TMEM37: variants seen among roughly 807,000 people sequenced by gnomAD.
TMEM37 encodes the protein voltage-dependent calcium channel gamma-like subunit.
A neutral mutation model predicts 11.0 loss-of-function variants in TMEM37; 12 were observed. That is an observed-to-expected ratio of 1.09 (90% CI 0.70 to 1.76). The LOEUF is 1.76. Ranked by LOEUF, TMEM37 falls within the 40% of genes most tolerant of loss-of-function variation. TMEM37 has a pLI of 0.00. For synonymous variants in TMEM37, 127 were observed against 110.5 expected, an observed-to-expected ratio of 1.15 and a Z score of -0.94; for missense variants, 203 against 251.2, an observed-to-expected ratio of 0.81 and a Z score of 1.30.
At chr2:119,431,691 CCGCCCT>C (rs200411064), upstream of TMEM37, among the ~76,000 whole-genome samples, 2,654 of 152,362 alleles carry the variant, frequency 0.017, 26 homozygotes, top group South Asian at 0.053. Context: ...GCTCCTCCGG[CCGCCCT>C]CGCTGACTCA....
intron 1 of TMEM37, 71 bp downstream of exon 1, chr2:119,431,995 G>A (rs1682408949): frequency 3.0e-6 from 3 of 991,582 alleles, no homozygotes; most frequent in African/African-American, 3.4e-5. Context: ...TGGGAGGACG[G>A]AGGGAGGGGC....
intron 1 of TMEM37, among the ~76,000 whole-genome samples, chr2:119,434,670 G>A (rs557099995): frequency 3.9e-5 from 6 of 152,182 alleles, no homozygotes; most frequent in South Asian, 4.2e-4. Flanking sequence ...GTTTTTGACC[G>A]CACCCAGGCT....
At position 119,437,713 on chromosome 2, in the gene TMEM37, T is replaced by A. The variant is rs1682532227; in HGVS notation, c.*273T>A. The A allele has an allele frequency of 6.1e-6, 3 of 492,758 alleles. No individual in the cohort carries two copies. Among genetic ancestry groups the A allele is most frequent in the Non-Finnish European group, 1.1e-5 (3 of 280,374 alleles). 30.5% of individuals were successfully genotyped at this position (492,758 alleles called of 1,614,324 possible). The stretch of plus-strand genomic sequence containing the variant: ...TTGATTTTAGAGGAAGAAAAAAACA[T>A]TTTAAAACTCCTTCTTGAATTTTCT... On this transcript the variant is annotated 3_prime_UTR_variant, in exon 2 of 2. Transcript: ENST00000306406.
chr2:119,430,042 C>A, upstream of TMEM37: 1 of 1,406,172 alleles, frequency 7.1e-7, no homozygotes, highest in Non-Finnish European at 9.8e-7. Flanking sequence ...TCTTAGGGCT[C>A]AGTGAAAGGA....
chr2:119,432,398 C>G (rs1021706362), intron 1 of TMEM37: 2 of 153,190 alleles, frequency 1.3e-5, no homozygotes, highest in African/African-American at 2.4e-5. Flanking sequence ...TTAGGAAGAC[C>G]GTCTCCCTCC....
At chr2:119,433,354 G>C (rs2104736214) in intron 1 of TMEM37, among the ~76,000 whole-genome samples, 1 of 152,366 alleles carries the variant, frequency 6.6e-6, no homozygotes, top group South Asian at 2.1e-4. Flanking sequence ...CCAGGCTGCA[G>C]CTGAGAGGAG....
rs1372852688 is a variant in TMEM37, at chr2:119,431,876, A to T, written c.-28A>T. The T allele has an allele frequency of 8.1e-7, 1 of 1,227,184 alleles. No homozygotes were observed. The highest frequency in any genetic ancestry group is 1.0e-6 in the Non-Finnish European group (1 of 984,968). The allele number at this position is 1,227,184 out of a possible 1,614,324, so 76.0% of individuals were successfully genotyped here. A position where few individuals can be genotyped will look rare whatever the true frequency, so the allele number is the denominator to read the frequency against. Reference sequence around the variant, plus strand: ...CACAGCGGAGCAGCTGGAGCGATCGAGGCTGCAGCGCGGCCGCCGGGCGCA... The same window carrying T: ...CACAGCGGAGCAGCTGGAGCGATCGTGGCTGCAGCGCGGCCGCCGGGCGCA... On this transcript the variant is annotated 5_prime_UTR_variant, in exon 1 of 2. Coordinates refer to ENST00000306406, the MANE Select transcript of TMEM37 (RefSeq NM_183240.3).
At chr2:119,434,144 G>A (rs930218552) in intron 1 of TMEM37, among the ~76,000 whole-genome samples, 7 of 152,160 alleles carry the variant, frequency 4.6e-5, no homozygotes, top group African/African-American at 1.7e-4. Flanking sequence ...GGTAGGGCTG[G>A]AGAAGGGACA....
Position 119,437,681 on chromosome 2 carries a change from C to T in TMEM37, c.*241C>T. The stretch of plus-strand genomic sequence containing the variant: ...AGTGCCACCAACTGCACAGGCTTAG[C>T]CAGATGTTGATTTTAGAGGAAGAAA... On this transcript the variant is annotated 3_prime_UTR_variant, in exon 2 of 2. Transcript: ENST00000306406. 3.7e-6 allele frequency: 2 copies of T among 546,746 alleles called. No individual in the cohort carries two copies. The highest frequency in any genetic ancestry group is 6.4e-6 in the Non-Finnish European group (2 of 313,476). 33.9% of individuals were successfully genotyped at this position (546,746 alleles called of 1,614,324 possible).
rs1682404465 is a variant in TMEM37 at position 119,431,915 on chromosome 2, CG to C, written c.14del (p.Gly5AlafsTer142). ...CCGCCGGGCGCAGCATGACTGCCGT[CG>C]GCGTGCAGGTAGCCGGCGCCTGGCG... is the stretch of plus-strand genomic sequence containing the variant. MTAVGVQAQRPLGQR... is the reference protein window; with the variant it reads MTAVXVQAQRPLGQR... On this transcript the variant is annotated frameshift_variant, in exon 1 of 2. Transcript: ENST00000306406. LOFTEE classifies it low-confidence loss of function (END_TRUNC). 1 of 1,225,322 alleles carries C rather than the reference CG, an allele frequency of 8.2e-7. No homozygotes were observed. Among genetic ancestry groups the C allele is most frequent in the Non-Finnish European group, 1.0e-6 (1 of 983,898 alleles). The allele number at this position is 1,225,322 out of a possible 1,614,324, so 75.9% of individuals were successfully genotyped here. A position where few individuals can be genotyped will look rare whatever the true frequency, so the allele number is the denominator to read the frequency against.
chr2:119,430,465 T>C, upstream of TMEM37: 1 of 471,540 alleles, frequency 2.1e-6, no homozygotes, highest in Non-Finnish European at 4.4e-6. Context: ...AGCCTTCCTG[T>C]GCCTGGGCCA....
chr2:119,431,684 C>A (rs1401023282), upstream of TMEM37, among the ~76,000 whole-genome samples: 1 of 152,144 alleles, frequency 6.6e-6, no homozygotes, highest in Admixed American at 6.5e-5. Flanking sequence ...CCCAGGGGCT[C>A]CTCCGGCCGC....
chr2:119,431,574 C>A (rs1682394163), upstream of TMEM37, among the ~76,000 whole-genome samples: 1 of 152,266 alleles, frequency 6.6e-6, no homozygotes, highest in Non-Finnish European at 1.5e-5. Flanking sequence ...CCAGGCGAAG[C>A]TGTCCTCGGA....
At position 119,437,573 on chromosome 2, in the gene TMEM37, C is replaced by T. The variant is rs1682528239; in HGVS notation, c.*133C>T. On this transcript the variant is annotated 3_prime_UTR_variant, in exon 2 of 2. Transcript: ENST00000306406. Reference sequence around the variant, plus strand: ...GGCCTTGAAACGGCTGCCTGTTTGCCGATAACTTGTGGGTGGTCAGCCAGA... The same window carrying T: ...GGCCTTGAAACGGCTGCCTGTTTGCTGATAACTTGTGGGTGGTCAGCCAGA... The T allele has an allele frequency of 6.5e-6, 8 of 1,239,278 alleles. No homozygotes were observed. The highest frequency in any genetic ancestry group is 3.0e-5 in the South Asian group (2 of 67,254). The allele number at this position is 1,239,278 out of a possible 1,614,324, so 76.8% of individuals were successfully genotyped here.
rs1172277318 is a variant in TMEM37, at chr2:119,437,724, C to A, written c.*284C>A. 1.1e-5 allele frequency: 5 copies of A among 460,128 alleles called. No individual in the cohort carries two copies. The highest frequency in any genetic ancestry group is 1.9e-5 in the Non-Finnish European group (5 of 259,954). 28.5% of individuals were successfully genotyped at this position (460,128 alleles called of 1,614,324 possible). On this transcript the variant is annotated 3_prime_UTR_variant, in exon 2 of 2. Transcript: ENST00000306406. Reference sequence around the variant, plus strand: ...GGAAGAAAAAAACATTTTAAAACTCCTTCTTGAATTTTCTTCCCTGGACTG... The same window carrying A: ...GGAAGAAAAAAACATTTTAAAACTCATTCTTGAATTTTCTTCCCTGGACTG...
chr2:119,435,152 T>C (rs1682472995), intron 1 of TMEM37, among the ~76,000 whole-genome samples: 1 of 152,246 alleles, frequency 6.6e-6, no homozygotes, highest in African/African-American at 2.4e-5. Flanking sequence ...AATAGGATCC[T>C]ACTTAAGGCA....
At chr2:119,433,163 C>T (rs1037685327) in intron 1 of TMEM37, among the ~76,000 whole-genome samples, 2 of 152,156 alleles carry the variant, frequency 1.3e-5, no homozygotes, top group African/African-American at 2.4e-5. Flanking sequence ...AGTTGCCAGA[C>T]GGGGAAGAGG....
upstream of TMEM37, among the ~76,000 whole-genome samples, chr2:119,431,537 C>T (rs1413955061): frequency 2.0e-5 from 3 of 152,230 alleles, no homozygotes; most frequent in East Asian, 3.9e-4. Context: ...CCCTCGTCGC[C>T]GTCCCAGCCC....
At chr2:119,434,756 T>G (rs1182774903) in intron 1 of TMEM37, among the ~76,000 whole-genome samples, 5 of 152,206 alleles carry the variant, frequency 3.3e-5, no homozygotes, top group Non-Finnish European at 1.5e-5. Context: ...CACGCACCTT[T>G]TCCTCACCAA....
Sources: allele counts gnomAD v4.1 joint callset (sites outside exome capture counted in the v4.1 genomes callset), GRCh38; gene constraint gnomAD v4.1.1; transcripts MANE v1.5; gene names NCBI Gene and HGNC (gene_info 2026-07-23, HGNC 2026-07-21).